Variants in TFDP2 observed in about 807,000 individuals in gnomAD.
TFDP2 encodes transcription factor Dp-2.
In TFDP2, 17 loss-of-function variants were observed where a neutral mutation model predicts 59.3. The ratio of observed to expected loss-of-function variants is 0.29; its 90% confidence interval spans 0.20 to 0.43. The LOEUF (loss-of-function observed/expected upper bound fraction) is 0.43, where lower values mean the gene tolerates loss of function less well. TFDP2 is among the 20% of genes least tolerant of loss of function. TFDP2 has a pLI of 1.00. For missense variants in TFDP2, 391 were observed against 528.8 expected (o/e 0.74, Z 2.56); for synonymous variants, 180 against 194.7 (o/e 0.92, Z 0.63).
chr3:142,130,236 C>T (rs1176006888), intron 1 of TFDP2, among the ~76,000 whole-genome samples: 1 of 152,082 alleles, frequency 6.6e-6, no homozygotes, highest in Non-Finnish European at 1.5e-5. Flanking sequence ...CAAAATGTAA[C>T]ATATACATAG....
At chr3:142,132,514 G>A (rs776695080) in intron 1 of TFDP2, among the ~76,000 whole-genome samples, 8 of 149,680 alleles carry the variant, frequency 5.3e-5, no homozygotes, top group Non-Finnish European at 8.8e-5. Flanking sequence ...GAGAGGCTGA[G>A]GTGGGCAGAT....
intron 1 of TFDP2, among the ~76,000 whole-genome samples, chr3:142,116,447 G>C (rs543964621): frequency 6.6e-6 from 1 of 152,294 alleles, no homozygotes; most frequent in East Asian, 1.9e-4. Context: ...GCAGAGATTG[G>C]AATTATGTGG....
At chr3:141,999,151 T>C (rs1013600940) in intron 4 of TFDP2, among the ~76,000 whole-genome samples, 2 of 152,122 alleles carry the variant, frequency 1.3e-5, no homozygotes, top group African/African-American at 2.4e-5. Flanking sequence ...CCTCCCTCTT[T>C]CTCCTCCGCA....
intron 3 of TFDP2, among the ~76,000 whole-genome samples, chr3:142,031,339 G>A (rs1946422800): frequency 6.6e-6 from 1 of 152,156 alleles, no homozygotes; most frequent in African/African-American, 2.4e-5. Flanking sequence ...AAATTGACCT[G>A]TTACCTACTG....
At chr3:141,962,612 G>A (rs1043754908) in intron 10 of TFDP2, among the ~76,000 whole-genome samples, 4 of 152,112 alleles carry the variant, frequency 2.6e-5, no homozygotes, top group African/African-American at 9.7e-5. Flanking sequence ...ACTAGCCTCC[G>A]GCCTCCCAGA....
At chr3:141,977,116 T>A (rs1160100639) in intron 7 of TFDP2, among the ~76,000 whole-genome samples, 10 of 98,086 alleles carry the variant, frequency 1.0e-4, no homozygotes, top group African/African-American at 3.9e-4. Flanking sequence ...ATTTTTTTTT[T>A]TTTTTTTTTT....
intron 3 of TFDP2, chr3:142,090,819 C>T (rs937813194): frequency 1.3e-5 from 2 of 152,336 alleles, no homozygotes; most frequent in African/African-American, 2.4e-5. Flanking sequence ...CCTTGGCCCC[C>T]CAAAGTGCTG....
Position 142,073,784 on chromosome 3 carries a change from GAAC to G in TFDP2, c.82+19274_82+19276del, listed in dbSNP as rs569255922. 3.9e-3 allele frequency among the ~76,000 whole-genome samples: 591 copies of G among 152,250 alleles called. 1 individual carries two copies. Among genetic ancestry groups the G allele is most frequent in the Admixed American group, 6.1e-3 (93 of 15,288 alleles). The stretch of plus-strand genomic sequence containing the variant: ...AAACCATCACCTCTATTTAATTCCA[GAAC>G]ATTATCATCACTGCAAATGAAATGG... On this transcript the variant is annotated intron_variant, in intron 3 of 12. Coordinates refer to ENST00000489671, the MANE Select transcript of TFDP2 (RefSeq NM_001178139.2).
chr3:142,026,200 A>G (rs1946077676), intron 3 of TFDP2, among the ~76,000 whole-genome samples: 1 of 151,926 alleles, frequency 6.6e-6, no homozygotes. Flanking sequence ...CTAAAAATAC[A>G]AAAAATTAGC....
chr3:142,093,127 C>T lies in TFDP2; in HGVS notation c.16G>A (p.Val6Ile). The change falls in exon 3 of 13, where the codon GTT (valine) becomes ATT (isoleucine). Residue 6 changes from valine (V) to isoleucine (I), a missense_variant and splice_region_variant. Coordinates refer to ENST00000489671, the MANE Select transcript of TFDP2 (RefSeq NM_001178139.2). Reference protein sequence around the residue: MTAKNVGLTSTNAEVR... With the variant: MTAKNIGLTSTNAEVR... ...TCTGCATTTGTGGAAGTCAAACCAACCTGAATAAAACCGTTTAAAAAGTTA... is the reference window on the plus strand; with the variant it reads ...TCTGCATTTGTGGAAGTCAAACCAATCTGAATAAAACCGTTTAAAAAGTTA... 1 of 1,537,660 alleles carries T rather than the reference C, an allele frequency of 6.5e-7. No homozygotes were observed. The highest frequency in any genetic ancestry group is 8.7e-7 in the Non-Finnish European group (1 of 1,147,914).
At position 142,062,681 on chromosome 3, in the gene TFDP2, G is replaced by A. The variant is rs75600986; in HGVS notation, c.82+30380C>T. Among the ~76,000 whole-genome samples the A allele has an allele frequency of 5.5e-3, 839 of 152,038 alleles. 20 individuals are homozygous for A. The highest frequency in any genetic ancestry group is 0.025 in the East Asian group (127 of 5,176). On this transcript the variant is annotated intron_variant, in intron 3 of 12. Coordinates refer to ENST00000489671, the MANE Select transcript of TFDP2 (RefSeq NM_001178139.2). Reference sequence around the variant, plus strand: ...GAAATACGTACATGTGTTCACCAAAGGACATGGACTAAAATATTTATGACA... The same window carrying A: ...GAAATACGTACATGTGTTCACCAAAAGACATGGACTAAAATATTTATGACA...
At chr3:142,059,833 C>T (rs1271803435) in intron 3 of TFDP2, among the ~76,000 whole-genome samples, 1 of 151,942 alleles carries the variant, frequency 6.6e-6, no homozygotes. Context: ...CTGACTGCCT[C>T]GGCCTCCCAA....
chr3:142,050,792 G>A (rs1359054463), intron 3 of TFDP2, among the ~76,000 whole-genome samples: 4 of 152,130 alleles, frequency 2.6e-5, no homozygotes, highest in African/African-American at 9.7e-5. Context: ...AGGTTGCAAT[G>A]AGCTGAAATC....
intron 4 of TFDP2, among the ~76,000 whole-genome samples, chr3:141,996,020 A>G (rs533240878): frequency 1.8e-4 from 27 of 152,048 alleles, no homozygotes; most frequent in Admixed American, 6.6e-4. Context: ...ATTATTCACT[A>G]TTATAAAGAA....
At chr3:142,146,307 T>C (rs557906693) in intron 1 of TFDP2, among the ~76,000 whole-genome samples, 2 of 152,290 alleles carry the variant, frequency 1.3e-5, no homozygotes, top group East Asian at 3.9e-4. Flanking sequence ...TCAACAATTT[T>C]AGTTGACAAG....
intron 10 of TFDP2, among the ~76,000 whole-genome samples, chr3:141,960,777 C>A (rs1338369447): frequency 1.3e-5 from 2 of 152,154 alleles, no homozygotes; most frequent in African/African-American, 4.8e-5. Flanking sequence ...TGGGTGCCTG[C>A]CACAGGGATG....
chr3:141,982,981 GA>G (rs1941650377), intron 6 of TFDP2, among the ~76,000 whole-genome samples: 2 of 152,194 alleles, frequency 1.3e-5, no homozygotes, highest in Admixed American at 1.3e-4. Context: ...TTGTGAGGAT[GA>G]AATGCATATA....
intron 1 of TFDP2, among the ~76,000 whole-genome samples, chr3:142,135,725 G>A (rs2062702678): frequency 6.6e-6 from 1 of 152,050 alleles, no homozygotes; most frequent in Non-Finnish European, 1.5e-5. Context: ...CCCTGCAAAG[G>A]ACATGAACTC....
At chr3:142,143,538 C>T (rs1278226952) in intron 1 of TFDP2, among the ~76,000 whole-genome samples, 1 of 152,086 alleles carries the variant, frequency 6.6e-6, no homozygotes, top group Non-Finnish European at 1.5e-5. Context: ...ATATAAAGAG[C>T]TCAAGCAACT....
Sources: allele counts gnomAD v4.1 joint callset (sites outside exome capture counted in the v4.1 genomes callset), GRCh38; gene constraint gnomAD v4.1.1; transcripts MANE v1.5; gene names NCBI Gene and HGNC (gene_info 2026-07-23, HGNC 2026-07-21).